Variants in RAB44 observed in about 807,000 individuals in gnomAD.
RAB44 encodes the protein ras-related protein Rab-44.
Under a neutral mutation model 93.3 loss-of-function variants are expected in RAB44, and 67 were observed. The ratio of observed to expected loss-of-function variants is 0.72; its 90% CI spans 0.59 to 0.88. The LOEUF is 0.88. RAB44 is among the 40% of genes least tolerant of loss of function. RAB44 has a pLI of 0.00. For missense variants in RAB44, 1,064 were observed against 1,261.7 expected, an observed-to-expected ratio of 0.84 and a Z score of 2.37; for synonymous variants, 427 against 520.3, an observed-to-expected ratio of 0.82 and a Z score of 2.44.
At chr6:36,709,606 A>G (rs1448996000) in intron 2 of RAB44, among the ~76,000 whole-genome samples, 1 of 152,180 alleles carries the variant, frequency 6.6e-6, no homozygotes, top group Non-Finnish European at 1.5e-5. Flanking sequence ...TCCGGGCTGT[A>G]GTGCAGTGGC....
At chr6:36,699,080 G>T (rs1304834145) in intron 1 of RAB44, among the ~76,000 whole-genome samples, 1 of 152,118 alleles carries the variant, frequency 6.6e-6, no homozygotes, top group Non-Finnish European at 1.5e-5. Flanking sequence ...TTGAGGTGGC[G>T]ATGGCTGGAG....
At chr6:36,706,684 C>A (rs1317400471) in intron 2 of RAB44, among the ~76,000 whole-genome samples, 1 of 151,692 alleles carries the variant, frequency 6.6e-6, no homozygotes, top group African/African-American at 2.4e-5. Flanking sequence ...TGAACCTGTG[C>A]AAATAATTAT....
Position 36,732,376 on chromosome 6 carries a change from A to C in RAB44, c.*283A>C. The C allele has an allele frequency of 5.4e-6, 1 of 185,816 alleles. No individual in the cohort carries two copies. Among genetic ancestry groups the C allele is most frequent in the Non-Finnish European group, 1.1e-5 (1 of 94,300 alleles). 11.5% of individuals were successfully genotyped at this position (185,816 alleles called of 1,614,324 possible). The stretch of plus-strand genomic sequence containing the variant: ...AACGACTTAAGGAAAATACACCAAA[A>C]TATTGGCCGCACATCTGTGGGTGTA... On this transcript the variant is annotated 3_prime_UTR_variant, in exon 14 of 14. Transcript: ENST00000612677.
chr6:36,705,380 T>TTTCCTCCCTCCCTCCC (rs1394797992), intron 2 of RAB44, among the ~76,000 whole-genome samples: 7 of 130,956 alleles, frequency 5.3e-5, no homozygotes, highest in African/African-American at 2.4e-4. Context: ...AAGTTTCAGA[T>TTTCCTCCCTCCCTCCC]TTCCTCCCTC....
chr6:36,715,410 G>A, intron 3 of RAB44, 69 bp from the exon 4 acceptor site: 1 of 1,436,946 alleles, frequency 7.0e-7, no homozygotes, highest in Non-Finnish European at 9.4e-7. Flanking sequence ...CTGGACCAGG[G>A]CTGGGTGGGA....
chr6:36,722,265 C>T lies in RAB44; in HGVS notation c.2131C>T (p.Pro711Ser), dbSNP rs1272820269. The T allele has an allele frequency of 1.6e-5, 20 of 1,284,166 alleles. 1 individual carries two copies. In the South Asian group the frequency reaches 5.7e-4, roughly 36 times the overall value. The allele number at this position is 1,284,166 out of a possible 1,614,324, so 79.5% of individuals were successfully genotyped here. ...HGLETAHSELPQQDSLLVSLP... is the reference protein window; with the variant it reads ...HGLETAHSELSQQDSLLVSLP... ...CCTAGAAACTGCGCATTCGGAACTCCCCCAGCAAGACTCTCTGCTTGTTTC... is the reference window on the plus strand; with the variant it reads ...CCTAGAAACTGCGCATTCGGAACTCTCCCAGCAAGACTCTCTGCTTGTTTC... The change falls in exon 9 of 14, where the codon CCC becomes TCC. Residue 711 changes from proline to serine, a missense_variant. Transcript: ENST00000612677.
At position 36,717,658 on chromosome 6, in the gene RAB44, A is replaced by G. The variant is rs773646096; in HGVS notation, c.641+239A>G. On this transcript the variant is annotated intron_variant, in intron 5 of 13. Transcript: ENST00000612677. The surrounding 1 kb of genome is among the most constrained non-coding windows in gnomAD (Gnocchi z 4.1). ...AGGACCCACTGTGACGCCCAACTCC[A>G]GGGGGCCTGCTCCCGTAGACTGTAA... Among the ~76,000 whole-genome samples, 3 of 151,622 alleles carry G rather than the reference A, an allele frequency of 2.0e-5. No homozygotes were observed. The highest frequency in any genetic ancestry group is 4.4e-5 in the Non-Finnish European group (3 of 67,754).
At chr6:36,730,841 C>T (rs1763348241) in intron 13 of RAB44, 92 bp downstream of exon 13, 2 of 542,222 alleles carry the variant, frequency 3.7e-6, no homozygotes, top group Non-Finnish European at 5.2e-6. Context: ...CCAGGTGGGA[C>T]AGGAAGGCCC....
chr6:36,705,143 C>A (rs1170497159), intron 2 of RAB44, among the ~76,000 whole-genome samples: 2 of 151,152 alleles, frequency 1.3e-5, no homozygotes, highest in East Asian at 3.9e-4. Flanking sequence ...ATGAGGGAAC[C>A]AGTAAGATGT....
intron 2 of RAB44, among the ~76,000 whole-genome samples, chr6:36,707,456 A>G (rs905237650): frequency 2.6e-5 from 4 of 152,238 alleles, no homozygotes; most frequent in African/African-American, 9.6e-5. Flanking sequence ...AAGTAGAACA[A>G]TAAAAAATAA....
intron 3 of RAB44, 82 bp downstream of exon 3, chr6:36,714,021 A>T (rs1022515140): frequency 1.8e-5 from 16 of 877,716 alleles, no homozygotes; most frequent in Non-Finnish European, 2.7e-5. Context: ...GGGTCGTTAG[A>T]AAGGCAACCC....
At position 36,721,749 on chromosome 6, in the gene RAB44, A is replaced by C; in HGVS notation, c.1615A>C (p.Ser539Arg). 8.1e-7 allele frequency: 1 copy of C among 1,234,358 alleles called. No individual in the cohort carries two copies. The highest frequency in any genetic ancestry group is 1.0e-6 in the Non-Finnish European group (1 of 988,270). 76.5% of individuals were successfully genotyped at this position (1,234,358 alleles called of 1,614,324 possible). The change falls in exon 9 of 14, where the codon AGC (serine) becomes CGC (arginine). Residue 539 changes from serine (S) to arginine (R), a missense_variant. Physicochemically the swap from Ser to Arg is moderately radical, Grantham distance 110 (BLOSUM62 -1). Coordinates refer to ENST00000612677, the MANE Select transcript of RAB44 (RefSeq NM_001257357.2). Reference protein sequence around the residue: ...DKGPGSWAPPSGAQPGAGAGP... With the variant: ...DKGPGSWAPPRGAQPGAGAGP... Reference sequence around the variant, plus strand: ...GGGCCCTGGGTCTTGGGCTCCTCCCAGCGGGGCTCAGCCTGGGGCTGGAGC... The same window carrying C: ...GGGCCCTGGGTCTTGGGCTCCTCCCCGCGGGGCTCAGCCTGGGGCTGGAGC...
rs773307257 is a variant in RAB44 at position 36,721,523 on chromosome 6, G to A, written c.1389G>A (p.Pro463=). ...QDIRAEQPVE[P]HDPDPNQEPG... ...TTAGAGCAGAGCAGCCTGTTGAACC[G>A]CACGACCCGGACCCCAACCAGGAGC... Residue 463 remains proline, a synonymous_variant, in exon 9 of 14, where the codon CCG becomes CCA. Transcript: ENST00000612677. 123 of 1,234,362 alleles carry A rather than the reference G, an allele frequency of 1.0e-4. 1 individual carries two copies. The highest frequency in any genetic ancestry group is 2.1e-4 in the Middle Eastern group (1 of 4,864). 76.5% of individuals were successfully genotyped at this position (1,234,362 alleles called of 1,614,324 possible).
chr6:36,713,798 A>C, intron 2 of RAB44, 30 bp from the exon 3 acceptor site: 2 of 1,414,070 alleles, frequency 1.4e-6, no homozygotes, highest in Non-Finnish European at 1.9e-6. Flanking sequence ...CCCGGTGGGA[A>C]CACCTGCCCA....
chr6:36,718,636 T>C (rs775503737), intron 7 of RAB44, 48 bp downstream of exon 7: 3 of 925,096 alleles, frequency 3.2e-6, no homozygotes, highest in Non-Finnish European at 4.3e-6. Flanking sequence ...AGGTCTTTAA[T>C]ATCTATGAAC....
At chr6:36,703,758 G>A (rs1456167345) in intron 1 of RAB44, among the ~76,000 whole-genome samples, 2 of 152,052 alleles carry the variant, frequency 1.3e-5, no homozygotes, top group African/African-American at 4.8e-5. Context: ...GATCCCTGAC[G>A]CAGCTGAGAT....
In RAB44 at chr6:36,728,813, G is replaced by A; in HGVS notation, c.2898+12G>A. The A allele has an allele frequency of 1.4e-5, 22 of 1,547,168 alleles. No homozygotes were observed. The highest frequency in any genetic ancestry group is 1.9e-5 in the Non-Finnish European group (22 of 1,143,970). On this transcript the variant is annotated intron_variant, in intron 12 of 13. Coordinates refer to ENST00000612677, the MANE Select transcript of RAB44 (RefSeq NM_001257357.2). ...AGCAACTGGCCCAGGTAAGCACTTG[G>A]GCATCAGCCCGTCTCTGTGCGTGGA...
rs1397190876 is a variant in RAB44, at chr6:36,731,009, G to GT, written c.2975+266dup. Among the ~76,000 whole-genome samples the GT allele has an allele frequency of 1.3e-5, 2 of 151,990 alleles. No homozygotes were observed. Among genetic ancestry groups the GT allele is most frequent in the African/African-American group, 2.4e-5 (1 of 41,348 alleles). On this transcript the variant is annotated intron_variant, in intron 13 of 13. Coordinates refer to ENST00000612677, the MANE Select transcript of RAB44 (RefSeq NM_001257357.2). The surrounding 1 kb of genome is among the most constrained non-coding windows in gnomAD (Gnocchi z 4.0). ...AGGCACTTAGGCTCTCTGAGCCTCA[G>GT]TTTTTTCATTTGCAAAGAGGGCTGA...
intron 8 of RAB44, 131 bp downstream of exon 8, chr6:36,720,681 C>T: frequency 2.9e-6 from 2 of 701,696 alleles, no homozygotes; most frequent in Non-Finnish European, 4.0e-6. Flanking sequence ...ACCCCACCCT[C>T]TGCCAAGCTG....
Sources: allele counts gnomAD v4.1 joint callset (sites outside exome capture counted in the v4.1 genomes callset), GRCh38; gene constraint gnomAD v4.1.1; non-coding constraint Gnocchi (gnomAD v3.1); transcripts MANE v1.5; gene names NCBI Gene and HGNC (gene_info 2026-07-23, HGNC 2026-07-21).